Variants in GOLGA8A observed in about 807,000 individuals in gnomAD.
GOLGA8A encodes golgin A8 family member A.
A neutral mutation model predicts 22.1 loss-of-function variants in GOLGA8A; 3 were observed. The observed-to-expected ratio is 0.14, with a 90% CI of 0.06 to 0.35. GOLGA8A has a LOEUF of 0.35. GOLGA8A is among the 10% of genes least tolerant of loss of function. The pLI, the probability that GOLGA8A is intolerant of heterozygous loss-of-function variation, is 1.00. For missense variants in GOLGA8A, 16 were observed against 233.2 expected (o/e 0.07, Z 6.07); for synonymous variants, 7 against 91.7 (o/e 0.08, Z 5.28).
chr15:34,428,996 G>A (rs1893109536), intron 2 of GOLGA8A: 1 of 148,300 alleles, frequency 6.7e-6, no homozygotes, highest in Non-Finnish European at 1.5e-5. Flanking sequence ...ACCCAGTGGG[G>A]AGTGGGCTCC....
intron 2 of GOLGA8A, among the ~76,000 whole-genome samples, chr15:34,431,312 CATATATATATATATATAT>C (rs1157766795): frequency 2.2e-5 from 1 of 45,734 alleles, no homozygotes; most frequent in African/African-American, 5.9e-5. Context: ...TATATATATA[CATATATATATATATATAT>C]ATATATATAT....
chr15:34,380,211 G>A lies in GOLGA8A; in HGVS notation c.*1200C>T, dbSNP rs1395741724. 1.3e-5 allele frequency: 2 copies of A among 152,118 alleles called. No individual in the cohort carries two copies. Among genetic ancestry groups the A allele is most frequent in the Admixed American group, 1.3e-4 (2 of 15,278 alleles). 9.4% of individuals were successfully genotyped at this position (152,118 alleles called of 1,614,324 possible). ...AGTAAATTCCTATGTCAGAGTAACC[G>A]AGGTGGTTGAAGAATAGGTATTAGC... On this transcript the variant is annotated 3_prime_UTR_variant, in exon 25 of 25. Coordinates refer to ENST00000359187, the MANE Select transcript of GOLGA8A (RefSeq NM_181077.5).
In GOLGA8A at chr15:34,422,733, G is replaced by A. The variant is rs112117555; in HGVS notation, c.-1123+12650C>T. Among the ~76,000 whole-genome samples, 3 of 96,764 alleles carry A rather than the reference G, an allele frequency of 3.1e-5. 1 individual carries two copies. Among genetic ancestry groups the A allele is most frequent in the Non-Finnish European group, 5.3e-5 (2 of 37,740 alleles). 63.5% of individuals were successfully genotyped at this position (96,764 alleles called of 152,430 possible). ...CGCTTGTGCGCTCTCTCTCGCTCTC[G>A]CTCTCTCTCTCTCATGCTGATTCTG... On this transcript the variant is annotated intron_variant, in intron 2 of 24. Coordinates refer to ENST00000359187, the MANE Select transcript of GOLGA8A (RefSeq NM_181077.5).
At chr15:34,405,400 T>TC (rs1349456965) in intron 4 of GOLGA8A, among the ~76,000 whole-genome samples, 1 of 145,272 alleles carries the variant, frequency 6.9e-6, no homozygotes, top group Non-Finnish European at 1.5e-5. Context: ...ACAGGGGTGA[T>TC]CTCTGCTCAC....
At chr15:34,434,176 A>T (rs2140297017) in intron 2 of GOLGA8A, among the ~76,000 whole-genome samples, 1 of 149,566 alleles carries the variant, frequency 6.7e-6, no homozygotes, top group East Asian at 2.0e-4. Flanking sequence ...GAGAGCCTGG[A>T]GGGGCCATTC....
At chr15:34,427,119 T>C (rs1893015794) in intron 2 of GOLGA8A, among the ~76,000 whole-genome samples, 1 of 147,096 alleles carries the variant, frequency 6.8e-6, no homozygotes, top group Non-Finnish European at 1.5e-5. Flanking sequence ...GATCACGAGA[T>C]CAGGAGATCA....
chr15:34,431,565 T>C (rs1478091019), intron 2 of GOLGA8A, among the ~76,000 whole-genome samples: 1 of 147,186 alleles, frequency 6.8e-6, no homozygotes, highest in South Asian at 2.2e-4. Context: ...GCTGCAAAGC[T>C]AGGCAGCATG....
At position 34,386,111 on chromosome 15, in the gene GOLGA8A, C is replaced by T. The variant is rs1489361319; in HGVS notation, c.286-333G>A. Among the ~76,000 whole-genome samples the T allele has an allele frequency of 5.4e-5, 8 of 147,590 alleles. No individual in the cohort carries two copies. In the East Asian group the frequency reaches 5.8e-4, roughly 11 times the overall value. On this transcript the variant is annotated intron_variant, in intron 12 of 24. Coordinates refer to ENST00000359187, the MANE Select transcript of GOLGA8A (RefSeq NM_181077.5). The stretch of plus-strand genomic sequence containing the variant: ...TCAATAGACATTTACTGAGCACGTA[C>T]GGGCCAGGGATGGTTCTTCACAGCC...
chr15:34,424,116 C>T (rs959212176), intron 2 of GOLGA8A, among the ~76,000 whole-genome samples: 1 of 148,278 alleles, frequency 6.7e-6, no homozygotes, highest in African/African-American at 2.5e-5. Context: ...AGACCACTGC[C>T]CTTGCCTGGA....
At chr15:34,421,626 C>T (rs1351552777) in intron 2 of GOLGA8A, among the ~76,000 whole-genome samples, 1 of 144,108 alleles carries the variant, frequency 6.9e-6, no homozygotes, top group East Asian at 2.1e-4. Context: ...CATGCCATCT[C>T]TCAGCTCAGG....
rs549982884 is a variant in GOLGA8A, at chr15:34,421,646, C to T, written c.-1123+13737G>A. Among the ~76,000 whole-genome samples, 5 of 144,178 alleles carry T rather than the reference C, an allele frequency of 3.5e-5. 1 individual carries two copies. The highest frequency in any genetic ancestry group is 1.3e-4 in the African/African-American group (5 of 39,512). 94.6% of individuals were successfully genotyped at this position (144,178 alleles called of 152,430 possible). A position where few individuals can be genotyped will look rare whatever the true frequency, so the allele number is the denominator to read the frequency against. ...CATCTCTCAGCTCAGGGGTCCACGA[C>T]AAAGCTAACCCCACTGAGATGAAAA... On this transcript the variant is annotated intron_variant, in intron 2 of 24. Coordinates refer to ENST00000359187, the MANE Select transcript of GOLGA8A (RefSeq NM_181077.5).
In GOLGA8A at chr15:34,379,506, T is replaced by C. The variant is rs1059904; in HGVS notation, c.*1905A>G. 2.0e-5 allele frequency: 3 copies of C among 152,652 alleles called. No homozygotes were observed. The highest frequency in any genetic ancestry group is 4.4e-5 in the Non-Finnish European group (3 of 68,044). The allele number at this position is 152,652 out of a possible 1,614,324, so 9.5% of individuals were successfully genotyped here. ...AATACATTGATAAATTCATACAATT[T>C]GGAAGAGTCAGTTGAAGTTACAAGG... On this transcript the variant is annotated 3_prime_UTR_variant, in exon 25 of 25. Transcript: ENST00000359187.
chr15:34,427,197 G>C (rs1566912418), intron 2 of GOLGA8A, among the ~76,000 whole-genome samples: 1 of 147,084 alleles, frequency 6.8e-6, no homozygotes, highest in Non-Finnish European at 1.5e-5. Flanking sequence ...CGGGAGTGGT[G>C]GCGGGCGCCT....
In GOLGA8A at chr15:34,435,986, C is replaced by G. The variant is rs1185014076; in HGVS notation, c.-1211-515G>C. 1.3e-5 allele frequency among the ~76,000 whole-genome samples: 2 copies of G among 149,320 alleles called. 1 individual carries two copies. The highest frequency in any genetic ancestry group is 4.9e-5 in the African/African-American group (2 of 40,448). On this transcript the variant is annotated intron_variant, in intron 1 of 24. Transcript: ENST00000359187. ...CCTAAGCTCAGGAGACCCTCTCCAG[C>G]CCAGGCTGTGGGGGAAGGCAGCCCC...
At chr15:34,428,066 A>C (rs1194301305) in intron 2 of GOLGA8A, among the ~76,000 whole-genome samples, 2 of 147,770 alleles carry the variant, frequency 1.4e-5, no homozygotes, top group Non-Finnish European at 3.0e-5. Flanking sequence ...CCCACATCAA[A>C]TGGAGCTTTC....
At chr15:34,436,072 C>T (rs1170446402) in intron 1 of GOLGA8A, among the ~76,000 whole-genome samples, 1 of 148,828 alleles carries the variant, frequency 6.7e-6, no homozygotes, top group Non-Finnish European at 1.5e-5. Flanking sequence ...GACTGGGAAA[C>T]CCAGTTCCTG....
intron 2 of GOLGA8A, among the ~76,000 whole-genome samples, chr15:34,431,040 A>G (rs1893205809): frequency 1.3e-5 from 2 of 148,726 alleles, no homozygotes; most frequent in Non-Finnish European, 3.0e-5. Context: ...CAATGCACAC[A>G]CTTGCTTCCA....
rs1262685486 is a variant in GOLGA8A, at chr15:34,423,154, G to A, written c.-1123+12229C>T. ...CTCCCTCTCCCCTCCATCACACTTCGAACCTTCCTGGGCCTGGATCACCTT... is the reference window on the plus strand; with the variant it reads ...CTCCCTCTCCCCTCCATCACACTTCAAACCTTCCTGGGCCTGGATCACCTT... On this transcript the variant is annotated intron_variant, in intron 2 of 24. Coordinates refer to ENST00000359187, the MANE Select transcript of GOLGA8A (RefSeq NM_181077.5). Among the ~76,000 whole-genome samples the A allele has an allele frequency of 8.9e-5, 11 of 123,580 alleles. 3 individuals are homozygous for A. The highest frequency in any genetic ancestry group is 1.2e-4 in the Non-Finnish European group (7 of 56,272). The allele number at this position is 123,580 out of a possible 152,430, so 81.1% of individuals were successfully genotyped here.
intron 8 of GOLGA8A, among the ~76,000 whole-genome samples, chr15:34,397,515 T>C (rs1891903204): frequency 6.7e-6 from 1 of 148,584 alleles, no homozygotes; most frequent in Non-Finnish European, 1.5e-5. Flanking sequence ...TCATTGTTTC[T>C]GATAATTCTC....
Sources: gnomAD v4.1 joint callset for allele counts (sites outside exome capture counted in the v4.1 genomes callset) on GRCh38, gnomAD v4.1.1 for gene constraint, MANE v1.5 for transcripts, NCBI Gene and HGNC (gene_info 2026-07-23, HGNC 2026-07-21) for gene names.